The following HECW2 variants were observed in gnomAD, a reference collection of about 807,000 sequenced individuals.
HECW2 encodes HECT, C2 and WW domain containing E3 ubiquitin protein ligase 2.
Under a neutral mutation model 175.2 loss-of-function variants are expected in HECW2, and 61 were observed. The observed-to-expected ratio is 0.35, with a 90% CI of 0.28 to 0.43. HECW2 has a LOEUF of 0.43. Ranked by LOEUF, HECW2 falls within the 20% of genes least tolerant of loss-of-function variation. The probability of loss-of-function intolerance (pLI) is 1.00; values close to 1 mark genes in which losing one functional copy is unlikely to be tolerated. For missense variants in HECW2, 1,524 were observed against 2,000.5 expected (o/e 0.76, Z 4.54); for synonymous variants, 671 against 731.0 (o/e 0.92, Z 1.32).
At chr2:196,425,614 A>T (rs986915881) in intron 2 of HECW2, among the ~76,000 whole-genome samples, 1 of 152,166 alleles carries the variant, frequency 6.6e-6, no homozygotes, top group Non-Finnish European at 1.5e-5. Flanking sequence ...TGTGGTAGAA[A>T]TAGCAAGAGA....
chr2:196,203,774 C>T (rs1686959078), intron 28 of HECW2, among the ~76,000 whole-genome samples: 4 of 152,142 alleles, frequency 2.6e-5, no homozygotes, highest in Admixed American at 2.6e-4. Context: ...GGCATTAGTA[C>T]ACCTACGTTA....
intron 1 of HECW2, among the ~76,000 whole-genome samples, chr2:196,572,630 C>T (rs1026203682): frequency 1.3e-4 from 20 of 152,294 alleles, no homozygotes; most frequent in East Asian, 7.7e-4. Context: ...TTTGTGCTTG[C>T]CCCCTCCAAA....
intron 2 of HECW2, among the ~76,000 whole-genome samples, chr2:196,414,552 G>C (rs942738560): frequency 4.6e-5 from 7 of 152,190 alleles, no homozygotes; most frequent in Admixed American, 1.3e-4. Context: ...CTGAGTCCTA[G>C]AGAGAGGACC....
chr2:196,465,505 G>T (rs1696915792), intron 1 of HECW2, among the ~76,000 whole-genome samples: 1 of 151,922 alleles, frequency 6.6e-6, no homozygotes, highest in Admixed American at 6.5e-5. Flanking sequence ...GACAATTTGG[G>T]CCCAGCTTAC....
At chr2:196,225,894 G>A (rs756088883) in intron 22 of HECW2, 24 bp from the exon 23 acceptor site, 4 of 1,404,852 alleles carry the variant, frequency 2.8e-6, no homozygotes, top group Non-Finnish European at 4.0e-6. Flanking sequence ...ACATGAGATG[G>A]CTTACATGTC....
At chr2:196,588,944 G>A (rs532289788) in intron 1 of HECW2, among the ~76,000 whole-genome samples, 18 of 152,236 alleles carry the variant, frequency 1.2e-4, no homozygotes, top group Non-Finnish European at 1.8e-4. Flanking sequence ...GCTCACACCT[G>A]TAATCCCAAC....
At chr2:196,272,060 A>G (rs1689760602) in intron 16 of HECW2, among the ~76,000 whole-genome samples, 1 of 152,216 alleles carries the variant, frequency 6.6e-6, no homozygotes, top group Non-Finnish European at 1.5e-5. Flanking sequence ...TCAGAAATGA[A>G]AAACCATCTT....
At chr2:196,343,177 C>G (rs944289333) in intron 3 of HECW2, among the ~76,000 whole-genome samples, 3 of 152,056 alleles carry the variant, frequency 2.0e-5, no homozygotes, top group African/African-American at 7.2e-5. Context: ...ATACCAAAAT[C>G]CACAGATGCT....
At chr2:196,206,213 G>C (rs180773097) in intron 28 of HECW2, among the ~76,000 whole-genome samples, 9 of 152,244 alleles carry the variant, frequency 5.9e-5, no homozygotes, top group Non-Finnish European at 8.8e-5. Flanking sequence ...AGCTATAATG[G>C]GTTTACCTCA....
At chr2:196,425,671 T>A (rs1368758082) in intron 2 of HECW2, among the ~76,000 whole-genome samples, 1 of 152,150 alleles carries the variant, frequency 6.6e-6, no homozygotes, top group Non-Finnish European at 1.5e-5. Flanking sequence ...GTTGCTCCAA[T>A]CTTATGATAA....
chr2:196,239,862 T>C (rs1004250951), intron 21 of HECW2: 10 of 152,266 alleles, frequency 6.6e-5, no homozygotes, highest in African/African-American at 2.4e-4. Context: ...AGCACACTCA[T>C]GGAAGAGTCA....
chr2:196,458,392 G>T (rs1696598178), intron 1 of HECW2, among the ~76,000 whole-genome samples: 1 of 151,968 alleles, frequency 6.6e-6, no homozygotes, highest in Admixed American at 6.6e-5. Flanking sequence ...ATAATGCTGG[G>T]AGTCTCTGGA....
chr2:196,552,314 C>G (rs969710642), intron 1 of HECW2, among the ~76,000 whole-genome samples: 1 of 152,166 alleles, frequency 6.6e-6, no homozygotes, highest in Non-Finnish European at 1.5e-5. Context: ...ATTCTCCCAA[C>G]AAAGTGACCC....
intron 1 of HECW2, among the ~76,000 whole-genome samples, chr2:196,461,465 G>A (rs1436583516): frequency 2.0e-5 from 3 of 152,146 alleles, no homozygotes; most frequent in African/African-American, 7.2e-5. Flanking sequence ...CACACACCAT[G>A]CCATTCGGCT....
chr2:196,315,225 T>G (rs73045950), intron 10 of HECW2, among the ~76,000 whole-genome samples: 5,211 of 151,954 alleles, frequency 0.034, 121 homozygotes, highest in South Asian at 0.087. Flanking sequence ...GCATCTTCAC[T>G]TCTGAGTTTT....
chr2:196,219,906 T>C, intron 26 of HECW2, 133 bp downstream of exon 26: 1 of 635,354 alleles, frequency 1.6e-6, no homozygotes. Flanking sequence ...GCCCAAGGTC[T>C]CAAGGGAGCC....
Position 196,310,970 on chromosome 2 carries a change from T to C in HECW2, c.2435-2885A>G, listed in dbSNP as rs570192930. The stretch of plus-strand genomic sequence containing the variant: ...CTAGTATTCTAGGAATCTATAAAAT[T>C]ATGCCCATTTTATTATATTAAGTTC... On this transcript the variant is annotated intron_variant, in intron 10 of 28. Transcript: ENST00000644978. Among the ~76,000 whole-genome samples the C allele has an allele frequency of 2.6e-5, 4 of 152,310 alleles. No homozygotes were observed. In the South Asian group the frequency reaches 8.3e-4, roughly 32 times the overall value.
At chr2:196,571,834 A>G (rs370078476) in intron 1 of HECW2, among the ~76,000 whole-genome samples, 1 of 152,226 alleles carries the variant, frequency 6.6e-6, no homozygotes, top group African/African-American at 2.4e-5. Flanking sequence ...TTGTACACCT[A>G]TGTTCATAGC....
At chr2:196,504,157 G>A (rs976519829) in intron 1 of HECW2, among the ~76,000 whole-genome samples, 5 of 152,014 alleles carry the variant, frequency 3.3e-5, no homozygotes, top group South Asian at 2.1e-4. Context: ...TTAGCCAGGC[G>A]TGGTGGCAGG....
Sources: gnomAD v4.1 joint callset for allele counts (sites outside exome capture counted in the v4.1 genomes callset) on GRCh38, gnomAD v4.1.1 for gene constraint, MANE v1.5 for transcripts, NCBI Gene and HGNC (gene_info 2026-07-23, HGNC 2026-07-21) for gene names.